Variants in DEPDC5 observed in about 807,000 individuals in gnomAD.
The protein encoded by DEPDC5 is DEP domain containing 5, GATOR1 subcomplex subunit.
In DEPDC5, 73 loss-of-function variants were observed where a neutral mutation model predicts 217.3. The observed-to-expected ratio is 0.34, with a 90% CI of 0.28 to 0.41. DEPDC5 has a LOEUF of 0.41. DEPDC5 is among the 10% of genes least tolerant of loss of function. The pLI is 1.00. For synonymous variants in DEPDC5, 733 were observed against 756.7 expected (o/e 0.97, Z 0.51); for missense variants, 1,675 against 2,070.1 (o/e 0.81, Z 3.70).
rs768869291 is a variant in DEPDC5, at chr22:31,879,097, C to CAT, written c.3806-420_3806-419dup. 2.9e-4 allele frequency among the ~76,000 whole-genome samples: 37 copies of CAT among 128,828 alleles called. No homozygotes were observed. In the South Asian group the frequency reaches 7.8e-3, roughly 27 times the overall value. 84.5% of individuals were successfully genotyped at this position (128,828 alleles called of 152,430 possible). A position where few individuals can be genotyped will look rare whatever the true frequency, so the allele number is the denominator to read the frequency against. On this transcript the variant is annotated intron_variant, in intron 37 of 42. Coordinates refer to ENST00000651528, the MANE Select transcript of DEPDC5 (RefSeq NM_001242896.3). ...ACACACACACGTATATATATATACA[C>CAT]ATATATATACATATATATACACATA...
intron 25 of DEPDC5, among the ~76,000 whole-genome samples, chr22:31,836,642 G>C (rs1360492511): frequency 3.9e-5 from 6 of 152,052 alleles, no homozygotes; most frequent in African/African-American, 1.4e-4. Context: ...TTGGAACGTT[G>C]ATGTGCTTCG....
chr22:31,878,055 C>T (rs749178865), intron 37 of DEPDC5, among the ~76,000 whole-genome samples: 16 of 151,228 alleles, frequency 1.1e-4, no homozygotes, highest in South Asian at 2.1e-4. Context: ...GGCGTGGTGG[C>T]GCACGCCTGT....
At chr22:31,801,503 AGATGTACT>A (rs1242958298) in intron 14 of DEPDC5, among the ~76,000 whole-genome samples, 2 of 152,174 alleles carry the variant, frequency 1.3e-5, no homozygotes, top group African/African-American at 4.8e-5. Flanking sequence ...CAAATAACAG[AGATGTACT>A]GATTTAGTTT....
chr22:31,763,851 A>G (rs973025972), intron 4 of DEPDC5, among the ~76,000 whole-genome samples: 1 of 152,138 alleles, frequency 6.6e-6, no homozygotes, highest in Non-Finnish European at 1.5e-5. Flanking sequence ...GCAGTAAAAA[A>G]AAAATTTAAA....
At chr22:31,847,090 A>G (rs2149039371) in intron 31 of DEPDC5, 123 bp downstream of exon 31, 1 of 1,400,204 alleles carries the variant, frequency 7.1e-7, no homozygotes. Context: ...GGGAGAAGGC[A>G]TTTATGTGAA....
intron 25 of DEPDC5, 179 bp downstream of exon 25, chr22:31,834,159 G>T: frequency 1.4e-6 from 1 of 707,708 alleles, no homozygotes; most frequent in East Asian, 2.6e-5. Context: ...GGAAAGTGAG[G>T]GGGTGTGTGA....
At chr22:31,795,270 A>G (rs1458149004) in intron 12 of DEPDC5, among the ~76,000 whole-genome samples, 1 of 151,840 alleles carries the variant, frequency 6.6e-6, no homozygotes, top group Non-Finnish European at 1.5e-5. Flanking sequence ...GGGTTTCACC[A>G]TCTTGGCCAG....
chr22:31,864,275 A>AT (rs1602531032), intron 33 of DEPDC5, among the ~76,000 whole-genome samples: 1 of 150,668 alleles, frequency 6.6e-6, no homozygotes, highest in African/African-American at 2.4e-5. Flanking sequence ...TGCCCGGCTA[A>AT]TTTTTTGTAT....
At chr22:31,900,868 G>A (rs1418214252) in intron 40 of DEPDC5, among the ~76,000 whole-genome samples, 1 of 152,176 alleles carries the variant, frequency 6.6e-6, no homozygotes, top group African/African-American at 2.4e-5. Flanking sequence ...TTGAGGCCAG[G>A]AGTTTGAGAC....
At chr22:31,848,947 C>A (rs1789707831) in intron 31 of DEPDC5, among the ~76,000 whole-genome samples, 1 of 152,172 alleles carries the variant, frequency 6.6e-6, no homozygotes, top group Non-Finnish European at 1.5e-5. Flanking sequence ...AGTCTCTTTG[C>A]ATAGCAAGAG....
rs375702574 is a variant in DEPDC5 at position 31,870,625 on chromosome 22, C to T, written c.3366C>T (p.Asp1122=). 7.5e-5 allele frequency: 118 copies of T among 1,583,874 alleles called. No homozygotes were observed. In the Middle Eastern group the frequency reaches 1.0e-3, roughly 14 times the overall value. Residue 1122 remains aspartate, a synonymous_variant, in exon 34 of 43, where the codon GAC becomes GAT. Coordinates refer to ENST00000651528, the MANE Select transcript of DEPDC5 (RefSeq NM_001242896.3). The part of the protein sequence containing the change: ...SVDQTATPML[D]GTSLGICTGQ... Reference sequence around the variant, plus strand: ...ACCAAACAGCCACTCCTATGTTGGACGGCACCAGTTTGGGCATATGCACAG... The same window carrying T: ...ACCAAACAGCCACTCCTATGTTGGATGGCACCAGTTTGGGCATATGCACAG...
intron 31 of DEPDC5, among the ~76,000 whole-genome samples, chr22:31,855,415 C>T (rs752484386): frequency 6.1e-5 from 9 of 147,874 alleles, no homozygotes; most frequent in Non-Finnish European, 1.2e-4. Flanking sequence ...CTCGCTCTGT[C>T]GCCCAGGCTG....
chr22:31,790,206 G>C (rs962798618), intron 10 of DEPDC5, among the ~76,000 whole-genome samples: 1 of 152,094 alleles, frequency 6.6e-6, no homozygotes, highest in Non-Finnish European at 1.5e-5. Flanking sequence ...CTGTCCACTT[G>C]AGATACATCC....
At chr22:31,805,761 A>T (rs2087447295) in intron 17 of DEPDC5, among the ~76,000 whole-genome samples, 1 of 152,074 alleles carries the variant, frequency 6.6e-6, no homozygotes, top group African/African-American at 2.4e-5. Context: ...ATTAGTTTAT[A>T]CTATTTGATA....
At chr22:31,769,356 G>A (rs2083124452) in intron 7 of DEPDC5, 1 of 149,900 alleles carries the variant, frequency 6.7e-6, no homozygotes, top group African/African-American at 2.5e-5. Context: ...AGTTGATGAA[G>A]CCCCCTGGCA....
chr22:31,777,862 C>T (rs1032228691), intron 7 of DEPDC5, among the ~76,000 whole-genome samples: 5 of 152,114 alleles, frequency 3.3e-5, no homozygotes, highest in Non-Finnish European at 7.3e-5. Flanking sequence ...GTTCTCCTGC[C>T]TTAGCCTCCT....
intron 18 of DEPDC5, 83 bp from the exon 19 acceptor site, chr22:31,809,528 G>A: frequency 6.9e-7 from 1 of 1,458,874 alleles, no homozygotes. Context: ...TCTTCCCTGG[G>A]AGCAGCACAT....
chr22:31,866,611 C>T (rs1455082339), intron 33 of DEPDC5, among the ~76,000 whole-genome samples: 1 of 152,176 alleles, frequency 6.6e-6, no homozygotes, highest in African/African-American at 2.4e-5. Context: ...GTCTCCATCT[C>T]CTGACCTTGT....
At position 31,893,639 on chromosome 22, in the gene DEPDC5, C is replaced by A; in HGVS notation, c.4091C>A (p.Thr1364Lys). The A allele has an allele frequency of 6.2e-7, 1 of 1,613,876 alleles. No individual in the cohort carries two copies. Among genetic ancestry groups the A allele is most frequent in the Non-Finnish European group, 8.5e-7 (1 of 1,179,910 alleles). The change falls in exon 39 of 43, where the codon ACA becomes AAA. Residue 1364 changes from threonine to lysine, a missense_variant. By Grantham distance (78) the Thr-to-Lys change is moderately conservative. Coordinates refer to ENST00000651528, the MANE Select transcript of DEPDC5 (RefSeq NM_001242896.3). ...VTLDVDVNNR[T>K]DRLEWCSCYY... ...CTGGATGTTGACGTGAACAACCGCACAGACCGGCTGGAGTGGTGCAGCTGT... is the reference window on the plus strand; with the variant it reads ...CTGGATGTTGACGTGAACAACCGCAAAGACCGGCTGGAGTGGTGCAGCTGT...
Sources: gnomAD v4.1 joint callset for allele counts (sites outside exome capture counted in the v4.1 genomes callset) on GRCh38, gnomAD v4.1.1 for gene constraint, MANE v1.5 for transcripts, NCBI Gene and HGNC (gene_info 2026-07-23, HGNC 2026-07-21) for gene names.